The following EDAR variants were observed in gnomAD, a reference collection of about 807,000 sequenced individuals.
EDAR encodes the protein ectodysplasin A receptor, also known as tumor necrosis factor receptor superfamily member EDAR.
A neutral mutation model predicts 51.3 loss-of-function variants in EDAR; 38 were observed. That is an observed-to-expected ratio of 0.74 (90% confidence interval 0.57 to 0.97). The LOEUF is 0.97. Among genes scored for constraint, EDAR ranks in the 50% least tolerant of loss-of-function variants. EDAR has a pLI of 0.00. For missense variants in EDAR, 528 were observed against 595.0 expected (o/e 0.89, Z 1.17); for synonymous variants, 227 against 242.1 (o/e 0.94, Z 0.58).
intron 1 of EDAR, among the ~76,000 whole-genome samples, chr2:108,982,764 G>C (rs1224920391): frequency 1.3e-5 from 2 of 152,148 alleles, no homozygotes; most frequent in Non-Finnish European, 2.9e-5. Flanking sequence ...AGTGTCCCGA[G>C]TCACCTAAGT....
intron 4 of EDAR, 85 bp downstream of exon 4, chr2:108,929,113 C>T (rs1300114487): frequency 6.6e-7 from 1 of 1,504,970 alleles, no homozygotes. Context: ...TATCCATGAC[C>T]CCTGTTCCCA....
chr2:108,906,726 G>A lies in EDAR; in HGVS notation c.964-358C>T, dbSNP rs117154367. Reference sequence around the variant, plus strand: ...CAGAGCCGTGCGGGGCTCCCATCCCGGATCACGTGGCTGGTGCCAGGAGAC... The same window carrying A: ...CAGAGCCGTGCGGGGCTCCCATCCCAGATCACGTGGCTGGTGCCAGGAGAC... On this transcript the variant is annotated intron_variant, in intron 10 of 11. Transcript: ENST00000258443. Among the ~76,000 whole-genome samples, 46 of 152,330 alleles carry A rather than the reference G, an allele frequency of 3.0e-4. 1 individual carries two copies. In the East Asian group the frequency reaches 8.1e-3, roughly 27 times the overall value.
chr2:108,951,285 T>C (rs933557579), intron 1 of EDAR, among the ~76,000 whole-genome samples: 4 of 152,226 alleles, frequency 2.6e-5, no homozygotes, highest in Non-Finnish European at 5.9e-5. Flanking sequence ...GTAATTCCAA[T>C]GACCACACTA....
intron 5 of EDAR, among the ~76,000 whole-genome samples, chr2:108,922,831 A>C (rs2105430212): frequency 6.6e-6 from 1 of 152,306 alleles, no homozygotes; most frequent in African/African-American, 2.4e-5. Flanking sequence ...CTTCGTCATA[A>C]ACAGATGCCC....
chr2:108,966,920 C>G (rs1574409910), intron 1 of EDAR, among the ~76,000 whole-genome samples: 2 of 152,104 alleles, frequency 1.3e-5, no homozygotes, highest in East Asian at 3.9e-4. Context: ...TCCCAAAGAC[C>G]AGCCAATTGT....
intron 11 of EDAR, among the ~76,000 whole-genome samples, chr2:108,899,934 C>T (rs997589288): frequency 1.3e-5 from 2 of 151,864 alleles, no homozygotes; most frequent in Admixed American, 6.6e-5. Context: ...TGCAGTGAGC[C>T]GAGATCGTGT....
At chr2:108,906,799 G>A (rs1214091573) in intron 10 of EDAR, among the ~76,000 whole-genome samples, 2 of 152,168 alleles carry the variant, frequency 1.3e-5, no homozygotes, top group African/African-American at 4.8e-5. Context: ...GAAGAGTCCC[G>A]GGGCCATGGC....
chr2:108,958,413 AAAAAAACAAAAAAC>A (rs759717094), intron 1 of EDAR, among the ~76,000 whole-genome samples: 2 of 151,602 alleles, frequency 1.3e-5, no homozygotes, highest in Non-Finnish European at 2.9e-5. Context: ...CAGCAGGAAA[AAAAAAACAAAAAAC>A]AAAAAACAAA....
rs940666351 is a variant in EDAR, at chr2:108,965,480, GATA to G, written c.-19+23477_-19+23479del. Among the ~76,000 whole-genome samples the G allele has an allele frequency of 4.3e-3, 451 of 105,420 alleles. 1 individual carries two copies. Among genetic ancestry groups the G allele is most frequent in the African/African-American group, 0.014 (434 of 31,524 alleles). 69.2% of individuals were successfully genotyped at this position (105,420 alleles called of 152,430 possible). A position where few individuals can be genotyped will look rare whatever the true frequency, so the allele number is the denominator to read the frequency against. ...ATTTCGTCTCAAAAAAAAAAAAAAAGATAATAAATGACCCAGTTGTTCCCAGAT... is the reference window on the plus strand; with the variant it reads ...ATTTCGTCTCAAAAAAAAAAAAAAAGATAAATGACCCAGTTGTTCCCAGAT... On this transcript the variant is annotated intron_variant, in intron 1 of 11. Transcript: ENST00000258443.
At position 108,908,016 on chromosome 2, in the gene EDAR, C is replaced by G. The variant is rs1439960427; in HGVS notation, c.807G>C (p.Glu269Asp). The G allele has an allele frequency of 6.2e-7, 1 of 1,607,244 alleles. No individual in the cohort carries two copies. The highest frequency in any genetic ancestry group is 1.3e-5 in the African/African-American group (1 of 74,768). Residue 269 changes from glutamate to aspartate, a missense_variant, in exon 10 of 12, where the codon GAG (glutamate) becomes GAC (aspartate). Coordinates refer to ENST00000258443, the MANE Select transcript of EDAR (RefSeq NM_022336.4). ...GCTCATTCTCGGATGAGGCATCGTT[C>G]TCGCTGCAAAAACAAGAGCGATGGT... ...TATPAKPTKS[E>D]NDASSENEQL...
intron 1 of EDAR, among the ~76,000 whole-genome samples, chr2:108,956,287 T>C (rs1196011773): frequency 6.6e-6 from 1 of 152,220 alleles, no homozygotes; most frequent in Non-Finnish European, 1.5e-5. Flanking sequence ...ATACCCTTTT[T>C]ATACATTCTG....
rs1034002759 is a variant in EDAR at position 108,895,776 on chromosome 2, C to T, written c.*1131G>A. 6.6e-6 allele frequency: 1 copy of T among 152,244 alleles called. No homozygotes were observed. Among genetic ancestry groups the T allele is most frequent in the Non-Finnish European group, 1.5e-5 (1 of 68,066 alleles). 9.4% of individuals were successfully genotyped at this position (152,244 alleles called of 1,614,324 possible). A position where few individuals can be genotyped will look rare whatever the true frequency, so the allele number is the denominator to read the frequency against. On this transcript the variant is annotated 3_prime_UTR_variant, in exon 12 of 12. Coordinates refer to ENST00000258443, the MANE Select transcript of EDAR (RefSeq NM_022336.4). ...CACAACTAGAAGCCAGCTCCCTCGACATCAAGCCCAGGCTCTCATTTGCGC... is the reference window on the plus strand; with the variant it reads ...CACAACTAGAAGCCAGCTCCCTCGATATCAAGCCCAGGCTCTCATTTGCGC...
At chr2:108,913,776 C>T (rs946879407) in intron 5 of EDAR, among the ~76,000 whole-genome samples, 1 of 151,852 alleles carries the variant, frequency 6.6e-6, no homozygotes, top group African/African-American at 2.4e-5. Context: ...CAGGGAAACC[C>T]CGTCTCTACT....
At chr2:108,983,173 G>A (rs368419299) in intron 1 of EDAR, among the ~76,000 whole-genome samples, 1 of 152,050 alleles carries the variant, frequency 6.6e-6, no homozygotes, top group Non-Finnish European at 1.5e-5. Flanking sequence ...AGAGGATGCC[G>A]CATGTCAACA....
At chr2:108,939,108 A>G (rs886366793) in intron 1 of EDAR, among the ~76,000 whole-genome samples, 2 of 152,070 alleles carry the variant, frequency 1.3e-5, no homozygotes, top group Admixed American at 1.3e-4. Flanking sequence ...GCATAGTAAC[A>G]TGAAGTTTTG....
intron 1 of EDAR, among the ~76,000 whole-genome samples, chr2:108,964,279 T>C (rs1271964774): frequency 1.3e-5 from 2 of 152,056 alleles, no homozygotes. Context: ...TTTTCTGAGG[T>C]CCACCGGTGA....
intron 1 of EDAR, among the ~76,000 whole-genome samples, chr2:108,937,508 T>TATGC (rs1192511660): frequency 5.9e-5 from 9 of 152,108 alleles, no homozygotes; most frequent in African/African-American, 2.2e-4. Context: ...TGTATGAATG[T>TATGC]ATGCATGTGT....
chr2:108,949,405 C>T (rs544858552), intron 1 of EDAR, among the ~76,000 whole-genome samples: 54 of 152,304 alleles, frequency 3.5e-4, no homozygotes, highest in Non-Finnish European at 7.2e-4. Context: ...TGGGAAGATA[C>T]GGCTTGGGCA....
intron 1 of EDAR, among the ~76,000 whole-genome samples, chr2:108,950,699 C>T (rs1697810068): frequency 6.6e-6 from 1 of 152,246 alleles, no homozygotes; most frequent in Non-Finnish European, 1.5e-5. Context: ...CATCCCTGCC[C>T]TTGCTCCCTT....
Sources: gnomAD v4.1 joint callset for allele counts (sites outside exome capture counted in the v4.1 genomes callset) on GRCh38, gnomAD v4.1.1 for gene constraint, MANE v1.5 for transcripts, NCBI Gene and HGNC (gene_info 2026-07-23, HGNC 2026-07-21) for gene names.